Variants in RBFOX1 observed in about 807,000 individuals in gnomAD.
RBFOX1 encodes the protein RNA binding protein fox-1 homolog 1.
RBFOX1 carries 8 observed loss-of-function variants against 57.7 expected under a neutral mutation model. That is an observed-to-expected ratio of 0.14 (90% CI 0.08 to 0.25). RBFOX1 has a LOEUF of 0.25. Among genes scored for constraint, RBFOX1 ranks in the 10% least tolerant of loss-of-function variants. The pLI is 1.00. For missense variants in RBFOX1, 611 were observed against 548.5 expected, an observed-to-expected ratio of 1.11 and a Z score of -1.14; for synonymous variants, 326 against 222.4, an observed-to-expected ratio of 1.47 and a Z score of -4.15.
chr16:6,016,162 T>C (rs1242888293), upstream of RBFOX1, among the ~76,000 whole-genome samples: 2 of 152,160 alleles, frequency 1.3e-5, no homozygotes, highest in African/African-American at 4.8e-5. Flanking sequence ...TTTAGTTTAA[T>C]AGAAGAGAAC....
chr16:5,856,806 C>G (rs1041393084), intron 3 of RBFOX1, among the ~76,000 whole-genome samples: 2 of 151,502 alleles, frequency 1.3e-5, no homozygotes, highest in African/African-American at 4.9e-5. Context: ...CTGGGTTGGG[C>G]TTTGGCTTAA....
chr16:5,823,291 T>C (rs2055919941), intron 3 of RBFOX1, among the ~76,000 whole-genome samples: 1 of 152,054 alleles, frequency 6.6e-6, no homozygotes, highest in African/African-American at 2.4e-5. Flanking sequence ...AGATTAGAGG[T>C]TGAGTATGTG....
At chr16:6,126,621 G>T (rs1340557052) in intron 1 of RBFOX1, among the ~76,000 whole-genome samples, 2 of 152,270 alleles carry the variant, frequency 1.3e-5, no homozygotes, top group East Asian at 3.9e-4. Flanking sequence ...GGTCAGGTAT[G>T]ATGGGATGCC....
chr16:5,392,767 C>G (rs2066448671), intron 1 of RBFOX1, among the ~76,000 whole-genome samples: 1 of 152,076 alleles, frequency 6.6e-6, no homozygotes, highest in Non-Finnish European at 1.5e-5. Context: ...AAAGCCTGCC[C>G]TCTGCCATCC....
At chr16:5,813,950 C>T (rs537652678) in intron 3 of RBFOX1, among the ~76,000 whole-genome samples, 6 of 152,168 alleles carry the variant, frequency 3.9e-5, no homozygotes, top group African/African-American at 1.4e-4. Context: ...AACTAACTTA[C>T]GTTATTATGG....
At chr16:5,953,895 T>G (rs957722104) in intron 4 of RBFOX1, among the ~76,000 whole-genome samples, 1 of 152,128 alleles carries the variant, frequency 6.6e-6, no homozygotes, top group Admixed American at 6.5e-5. Flanking sequence ...AAAAATGAGT[T>G]GTTGTTTATC....
chr16:6,702,257 A>C (rs1013566226), intron 3 of RBFOX1, among the ~76,000 whole-genome samples: 3 of 152,164 alleles, frequency 2.0e-5, no homozygotes, highest in Non-Finnish European at 2.9e-5. Flanking sequence ...GGATGGGACA[A>C]ATATCCAAAT....
chr16:5,584,525 G>A (rs1314539191), intron 2 of RBFOX1, among the ~76,000 whole-genome samples: 2 of 152,164 alleles, frequency 1.3e-5, no homozygotes, highest in African/African-American at 2.4e-5. Context: ...CCCTCACAAG[G>A]GCACAGAGAC....
Position 7,186,970 on chromosome 16 carries a change from C to T in RBFOX1, c.27+134872C>T, listed in dbSNP as rs113030109. ...ACTGGGAGTTTGAGACCAGCCTGGG[C>T]AACATGAGGAAACCCCACCTCCACA... On this transcript the variant is annotated intron_variant, in intron 4 of 15. Transcript: ENST00000550418. Among the ~76,000 whole-genome samples the T allele has an allele frequency of 2.4e-3, 234 of 95,906 alleles. 1 individual carries two copies. Among genetic ancestry groups the T allele is most frequent in the Middle Eastern group, 9.6e-3 (1 of 104 alleles). The allele number at this position is 95,906 out of a possible 152,430, so 62.9% of individuals were successfully genotyped here. A position where few individuals can be genotyped will look rare whatever the true frequency, so the allele number is the denominator to read the frequency against.
intron 3 of RBFOX1, among the ~76,000 whole-genome samples, chr16:5,725,868 G>A (rs1177214745): frequency 6.6e-6 from 1 of 151,908 alleles, no homozygotes; most frequent in Non-Finnish European, 1.5e-5. Context: ...TGAGGAGGCT[G>A]CTGGGTTCAG....
At chr16:7,427,837 A>G (rs549865922) in intron 4 of RBFOX1, among the ~76,000 whole-genome samples, 11 of 152,082 alleles carry the variant, frequency 7.2e-5, no homozygotes, top group Admixed American at 6.6e-4. Context: ...TATTTTTAGT[A>G]GAGATGGGGT....
At chr16:7,201,016 T>C (rs2088250963) in intron 4 of RBFOX1, among the ~76,000 whole-genome samples, 1 of 152,172 alleles carries the variant, frequency 6.6e-6, no homozygotes, top group Non-Finnish European at 1.5e-5. Flanking sequence ...CCACCATTAT[T>C]TGGGGACTCT....
At chr16:6,931,331 ATCTAT>A (rs1567941847) in intron 3 of RBFOX1, among the ~76,000 whole-genome samples, 11 of 85,608 alleles carry the variant, frequency 1.3e-4, no homozygotes, top group African/African-American at 3.7e-4. Context: ...CTATCTATCT[ATCTAT>A]CTCTACACAC....
At chr16:6,136,348 A>G (rs958208461) in intron 1 of RBFOX1, among the ~76,000 whole-genome samples, 11 of 152,076 alleles carry the variant, frequency 7.2e-5, no homozygotes, top group African/African-American at 2.4e-4. Context: ...CTGTAATCGC[A>G]GTTGAGCCGT....
intron 2 of RBFOX1, among the ~76,000 whole-genome samples, chr16:6,514,199 C>T (rs535557248): frequency 1.3e-5 from 2 of 152,238 alleles, no homozygotes; most frequent in South Asian, 2.1e-4. Flanking sequence ...ATCTCCCATC[C>T]TTTGGGGATG....
chr16:7,225,714 A>C (rs769205109), intron 4 of RBFOX1, among the ~76,000 whole-genome samples: 8 of 129,912 alleles, frequency 6.2e-5, no homozygotes, highest in Non-Finnish European at 7.7e-5. Context: ...TGTCAAAAGT[A>C]GAATATATTG....
intron 4 of RBFOX1, among the ~76,000 whole-genome samples, chr16:7,429,975 G>A (rs2098662951): frequency 6.6e-6 from 1 of 152,118 alleles, no homozygotes; most frequent in African/African-American, 2.4e-5. Context: ...CTTTCTCCCT[G>A]CAATCATTGA....
At chr16:6,896,844 A>G (rs576511669) in intron 3 of RBFOX1, among the ~76,000 whole-genome samples, 3 of 152,204 alleles carry the variant, frequency 2.0e-5, no homozygotes, top group Non-Finnish European at 4.4e-5. Flanking sequence ...GATTGCAGGT[A>G]ATATAAAAAT....
intron 3 of RBFOX1, among the ~76,000 whole-genome samples, chr16:6,933,505 G>A (rs1567953251): frequency 6.6e-6 from 1 of 152,220 alleles, no homozygotes; most frequent in Admixed American, 6.5e-5. Flanking sequence ...CTGAGGTCAG[G>A]AGTTCCAGAC....
Sources: gnomAD v4.1 joint callset for allele counts (sites outside exome capture counted in the v4.1 genomes callset) on GRCh38, gnomAD v4.1.1 for gene constraint, MANE v1.5 for transcripts, NCBI Gene and HGNC (gene_info 2026-07-23, HGNC 2026-07-21) for gene names.